Variants in RGS21 observed in about 807,000 individuals in gnomAD.
RGS21 encodes regulator of G protein signaling 21.
A neutral mutation model predicts 18.7 loss-of-function variants in RGS21; 19 were observed. The observed-to-expected ratio is 1.01, with a 90% confidence interval of 0.71 to 1.49. The LOEUF (loss-of-function observed/expected upper bound fraction) is 1.49. Among genes scored for constraint, RGS21 ranks in the 40% most tolerant of loss-of-function variants. The pLI is 0.00. For missense variants in RGS21, 194 were observed against 176.8 expected (o/e 1.10, Z -0.55); for synonymous variants, 56 against 57.8 (o/e 0.97, Z 0.14).
intron 1 of RGS21, among the ~76,000 whole-genome samples, chr1:192,325,818 T>C (rs1467831534): frequency 1.3e-5 from 2 of 152,098 alleles, no homozygotes; most frequent in Admixed American, 6.6e-5. Flanking sequence ...TTGAATTGTT[T>C]AAGTTCCTTA....
intron 1 of RGS21, among the ~76,000 whole-genome samples, chr1:192,334,030 T>A (rs1658728642): frequency 6.6e-6 from 1 of 152,166 alleles, no homozygotes; most frequent in Admixed American, 6.6e-5. Context: ...ATTAATCCTT[T>A]GGAAAAAGTT....
chr1:192,331,454 G>A (rs1278815169), intron 1 of RGS21, among the ~76,000 whole-genome samples: 1 of 151,998 alleles, frequency 6.6e-6, no homozygotes, highest in Non-Finnish European at 1.5e-5. Context: ...GGCTGAGGCA[G>A]GGGAATCGAT....
At chr1:192,365,699 G>C (rs980775589) in intron 4 of RGS21, among the ~76,000 whole-genome samples, 3 of 151,896 alleles carry the variant, frequency 2.0e-5, no homozygotes, top group Non-Finnish European at 4.4e-5. Flanking sequence ...TCAAAATAAG[G>C]TTTTACCACT....
chr1:192,332,126 T>C (rs1658666460), intron 1 of RGS21, among the ~76,000 whole-genome samples: 13 of 151,966 alleles, frequency 8.6e-5, no homozygotes, highest in Admixed American at 8.5e-4. Flanking sequence ...AAAGAGAAAA[T>C]TATTTTTAAA....
At chr1:192,321,822 A>T (rs1449089709) in intron 1 of RGS21, among the ~76,000 whole-genome samples, 2 of 152,140 alleles carry the variant, frequency 1.3e-5, no homozygotes, top group African/African-American at 4.8e-5. Context: ...TTAATACTTG[A>T]AATAAATCTT....
At chr1:192,348,761 A>C (rs1658992330) in intron 3 of RGS21, among the ~76,000 whole-genome samples, 1 of 130,830 alleles carries the variant, frequency 7.6e-6, no homozygotes, top group African/African-American at 3.4e-5. Flanking sequence ...CAGAGAGAAA[A>C]TGTTTATAAT....
intron 1 of RGS21, among the ~76,000 whole-genome samples, chr1:192,333,666 G>A (rs1658697604): frequency 6.7e-6 from 1 of 150,110 alleles, no homozygotes; most frequent in Non-Finnish European, 1.5e-5. Context: ...AGAGATGAGT[G>A]GTTTCCAGGG....
intron 2 of RGS21, among the ~76,000 whole-genome samples, chr1:192,343,377 T>C (rs886147510): frequency 2.6e-5 from 4 of 152,210 alleles, no homozygotes; most frequent in African/African-American, 7.2e-5. Flanking sequence ...ACAACGTTTA[T>C]TGAAAAAATT....
intron 1 of RGS21, among the ~76,000 whole-genome samples, chr1:192,332,786 C>T (rs1458682161): frequency 1.3e-5 from 2 of 152,122 alleles, no homozygotes; most frequent in African/African-American, 4.8e-5. Flanking sequence ...CTGTGCCTCA[C>T]ACCTGTAGTC....
intron 1 of RGS21, among the ~76,000 whole-genome samples, chr1:192,329,608 G>A (rs1374760296): frequency 6.6e-6 from 1 of 152,058 alleles, no homozygotes; most frequent in Non-Finnish European, 1.5e-5. Context: ...AAAGTACTAA[G>A]GCAGTTTCAT....
intron 2 of RGS21, among the ~76,000 whole-genome samples, chr1:192,344,798 G>T (rs1037016640): frequency 1.3e-5 from 2 of 151,880 alleles, no homozygotes; most frequent in Non-Finnish European, 2.9e-5. Flanking sequence ...ATGAGCTGAG[G>T]GTATTCCAGG....
At chr1:192,342,249 T>G (rs1219731507) in intron 1 of RGS21, among the ~76,000 whole-genome samples, 1 of 152,044 alleles carries the variant, frequency 6.6e-6, no homozygotes, top group Non-Finnish European at 1.5e-5. Flanking sequence ...TGTATTACAT[T>G]GAGATAAAAG....
chr1:192,335,598 T>C (rs751794402), intron 1 of RGS21, among the ~76,000 whole-genome samples: 15 of 152,134 alleles, frequency 9.9e-5, no homozygotes, highest in Admixed American at 1.3e-4. Context: ...CTACCTTAGA[T>C]AAGAAAAAAG....
At chr1:192,336,968 G>A (rs1257357672) in intron 1 of RGS21, among the ~76,000 whole-genome samples, 2 of 151,996 alleles carry the variant, frequency 1.3e-5, no homozygotes, top group African/African-American at 2.4e-5. Flanking sequence ...ATTCATAGTT[G>A]AAATGTGGAT....
At chr1:192,348,840 A>G (rs1281462644) in intron 3 of RGS21, among the ~76,000 whole-genome samples, 2 of 152,170 alleles carry the variant, frequency 1.3e-5, no homozygotes, top group African/African-American at 4.8e-5. Context: ...ATATTAGAAA[A>G]ATATAAAACA....
At chr1:192,343,687 C>T (rs924556904) in intron 2 of RGS21, among the ~76,000 whole-genome samples, 5 of 152,054 alleles carry the variant, frequency 3.3e-5, no homozygotes, top group East Asian at 1.9e-4. Context: ...CAGCCAAAAC[C>T]GCATGAAATA....
intron 4 of RGS21, among the ~76,000 whole-genome samples, chr1:192,355,284 C>T (rs554678627): frequency 6.6e-6 from 1 of 151,650 alleles, no homozygotes; most frequent in African/African-American, 2.4e-5. Context: ...TTACATCATG[C>T]AGAACGGTTT....
At chr1:192,323,785 A>G (rs1658528455) in intron 1 of RGS21, among the ~76,000 whole-genome samples, 1 of 152,138 alleles carries the variant, frequency 6.6e-6, no homozygotes, top group Non-Finnish European at 1.5e-5. Context: ...TTACTTAAAA[A>G]GTTATTAAGA....
chr1:192,343,993 C>G (rs1321261950), intron 2 of RGS21, among the ~76,000 whole-genome samples: 1 of 151,966 alleles, frequency 6.6e-6, no homozygotes. Context: ...TCTTTCTTAA[C>G]ATTTATATAG....
Sources: gnomAD v4.1 joint callset for allele counts (sites outside exome capture counted in the v4.1 genomes callset) on GRCh38, gnomAD v4.1.1 for gene constraint, MANE v1.5 for transcripts, NCBI Gene and HGNC (gene_info 2026-07-23, HGNC 2026-07-21) for gene names.